Variants in WWOX observed in about 807,000 individuals in gnomAD.
WWOX encodes WW domain-containing oxidoreductase.
In WWOX, 69 loss-of-function variants were observed where a neutral mutation model predicts 46.2. The observed-to-expected ratio is 1.49, with a 90% CI of 1.23 to 1.82. WWOX has a LOEUF of 1.82. WWOX is among the 40% of genes most tolerant of loss of function. The pLI, the probability that WWOX is intolerant of heterozygous loss-of-function variation, is 0.00. For synonymous variants in WWOX, 359 were observed against 202.6 expected, an observed-to-expected ratio of 1.77 and a Z score of -6.56; for missense variants, 919 against 542.6, an observed-to-expected ratio of 1.69 and a Z score of -6.89.
At chr16:78,816,772 G>A (rs967121329) in intron 8 of WWOX, among the ~76,000 whole-genome samples, 2 of 151,592 alleles carry the variant, frequency 1.3e-5, no homozygotes, top group Non-Finnish European at 2.9e-5. Context: ...TTGTGGCTCA[G>A]TTTTTTTTGG....
At chr16:78,535,887 C>T (rs151045535) in intron 8 of WWOX, among the ~76,000 whole-genome samples, 2 of 152,214 alleles carry the variant, frequency 1.3e-5, no homozygotes, top group Non-Finnish European at 2.9e-5. Context: ...GACTCATTTT[C>T]CTCGGTGGTG....
chr16:78,858,620 A>G (rs2052626348), intron 8 of WWOX, among the ~76,000 whole-genome samples: 1 of 152,126 alleles, frequency 6.6e-6, no homozygotes, highest in Non-Finnish European at 1.5e-5. Context: ...GAAGGCTTTG[A>G]GGAGGGAATT....
At chr16:78,823,452 A>G (rs943197447) in intron 8 of WWOX, among the ~76,000 whole-genome samples, 24 of 152,342 alleles carry the variant, frequency 1.6e-4, no homozygotes, top group African/African-American at 5.5e-4. Flanking sequence ...ATCGCTTATC[A>G]TCACCTGAAT....
intron 8 of WWOX, among the ~76,000 whole-genome samples, chr16:78,928,361 C>A (rs1171242214): frequency 6.6e-6 from 1 of 151,636 alleles, no homozygotes; most frequent in African/African-American, 2.4e-5. Flanking sequence ...CGCTACCACG[C>A]CCGGCTAATT....
chr16:78,690,736 C>G (rs1253215967), intron 8 of WWOX, among the ~76,000 whole-genome samples: 1 of 152,156 alleles, frequency 6.6e-6, no homozygotes, highest in Non-Finnish European at 1.5e-5. Context: ...TATGAATAAA[C>G]TTCTACCATT....
At chr16:78,649,296 T>C (rs2046913321) in intron 8 of WWOX, among the ~76,000 whole-genome samples, 1 of 152,078 alleles carries the variant, frequency 6.6e-6, no homozygotes, top group Admixed American at 6.5e-5. Context: ...GTTTTTAATT[T>C]TTTTAGAGAC....
intron 8 of WWOX, among the ~76,000 whole-genome samples, chr16:78,684,130 G>A (rs12926298): frequency 0.41 from 61,904 of 152,054 alleles, 14,786 homozygotes; most frequent in Admixed American, 0.55. Context: ...CTTTTTATCA[G>A]CTGTCCCTGC....
intron 4 of WWOX, among the ~76,000 whole-genome samples, chr16:78,151,158 T>G (rs2034392851): frequency 1.3e-5 from 2 of 151,858 alleles, no homozygotes; most frequent in South Asian, 4.2e-4. Context: ...ATTACAGGCA[T>G]GAGACCCCAT....
chr16:78,490,498 A>G (rs1347237510), intron 8 of WWOX, among the ~76,000 whole-genome samples: 2 of 152,168 alleles, frequency 1.3e-5, no homozygotes, highest in Admixed American at 1.3e-4. Context: ...GGTTTTCACA[A>G]GGAGGTCACG....
At chr16:79,069,393 C>T (rs2048506231) in intron 8 of WWOX, among the ~76,000 whole-genome samples, 1 of 152,182 alleles carries the variant, frequency 6.6e-6, no homozygotes. Flanking sequence ...ATTTCATTGA[C>T]AGACAGGACC....
At chr16:78,606,482 C>T (rs1276735647) in intron 8 of WWOX, among the ~76,000 whole-genome samples, 1 of 152,034 alleles carries the variant, frequency 6.6e-6, no homozygotes, top group Non-Finnish European at 1.5e-5. Flanking sequence ...GCTTGATGCC[C>T]TGCTCCTGCT....
chr16:78,769,804 C>G (rs192150978), intron 8 of WWOX, among the ~76,000 whole-genome samples: 148 of 149,470 alleles, frequency 9.9e-4, no homozygotes, highest in African/African-American at 3.6e-3. Flanking sequence ...TCCAGGAGTT[C>G]GAGATCAGTG....
Position 79,076,541 on chromosome 16 carries a change from A to C in WWOX, c.1057-135067A>C, listed in dbSNP as rs537777659. Among the ~76,000 whole-genome samples the C allele has an allele frequency of 3.9e-5, 6 of 152,240 alleles. No homozygotes were observed. In the East Asian group the frequency reaches 1.2e-3, roughly 29 times the overall value. ...AGCCCCCGCTGTCCTAGAACCATCT[A>C]AGCTAACTCTCCGATGAGCTCTGGC... On this transcript the variant is annotated intron_variant, in intron 8 of 8. Transcript: ENST00000566780.
chr16:79,126,945 C>G (rs1256975580), intron 8 of WWOX, among the ~76,000 whole-genome samples: 1 of 151,972 alleles, frequency 6.6e-6, no homozygotes, highest in Admixed American at 6.6e-5. Flanking sequence ...TTATGTATCA[C>G]AGTTGCCTAG....
intron 8 of WWOX, among the ~76,000 whole-genome samples, chr16:79,189,856 G>C (rs1389320698): frequency 6.7e-6 from 1 of 149,964 alleles, no homozygotes; most frequent in Admixed American, 6.7e-5. Context: ...GATTTTAGTA[G>C]GTAGTTTAAC....
At chr16:78,182,957 AAAAAAAAAAAG>A (rs912875842) in intron 5 of WWOX, among the ~76,000 whole-genome samples, 2 of 149,526 alleles carry the variant, frequency 1.3e-5, no homozygotes, top group African/African-American at 4.9e-5. Flanking sequence ...TCTCAAAAAA[AAAAAAAAAAAG>A]AAAGAAAGAA....
intron 8 of WWOX, among the ~76,000 whole-genome samples, chr16:79,171,168 G>C (rs776054480): frequency 1.3e-5 from 2 of 152,170 alleles, no homozygotes; most frequent in Non-Finnish European, 2.9e-5. Context: ...ACTGACTTGG[G>C]AGACACACAT....
chr16:78,473,344 A>G lies in WWOX; in HGVS notation c.1056+40592A>G, dbSNP rs560148385. 3.9e-5 allele frequency among the ~76,000 whole-genome samples: 6 copies of G among 152,234 alleles called. No individual in the cohort carries two copies. The East Asian group carries it at 1.2e-3, about 29-fold the overall frequency. ...AGGATTTCACCATGTTGGCCAGGCT[A>G]GTCTTGAACTCCTGACCTCAACTGA... On this transcript the variant is annotated intron_variant, in intron 8 of 8. Coordinates refer to ENST00000566780, the MANE Select transcript of WWOX (RefSeq NM_016373.4).
intron 8 of WWOX, among the ~76,000 whole-genome samples, chr16:78,526,821 A>AG (rs1368899855): frequency 1.3e-5 from 2 of 152,048 alleles, no homozygotes; most frequent in Admixed American, 1.3e-4. Flanking sequence ...AGTGATCTTG[A>AG]GGGGGGTCTG....
Sources: allele counts gnomAD v4.1 joint callset (sites outside exome capture counted in the v4.1 genomes callset), GRCh38; gene constraint gnomAD v4.1.1; transcripts MANE v1.5; gene names NCBI Gene and HGNC (gene_info 2026-07-23, HGNC 2026-07-21).